The following PKHD1 variants were observed in gnomAD, a reference collection of about 807,000 sequenced individuals.
The protein encoded by PKHD1 is PKHD1 ciliary IPT domain containing fibrocystin/polyductin.
A neutral mutation model predicts 412.0 loss-of-function variants in PKHD1; 291 were observed. The ratio of observed to expected loss-of-function variants is 0.71; its 90% CI spans 0.64 to 0.78. The LOEUF is 0.78. Ranked by LOEUF, PKHD1 falls within the 30% of genes least tolerant of loss-of-function variation. The pLI, the probability that PKHD1 is intolerant of heterozygous loss-of-function variation, is 0.00. For synonymous variants in PKHD1, 1,777 were observed against 1,821.5 expected, an observed-to-expected ratio of 0.98 and a Z score of 0.62; for missense variants, 4,825 against 4,950.7, an observed-to-expected ratio of 0.97 and a Z score of 0.76.
In PKHD1 at chr6:52,024,951, G is replaced by T; in HGVS notation, c.4859C>A (p.Ala1620Asp). ...GGGAACAATGCACCGGATGAGCTCA[G>T]CACCGATGTTCACCGTCAGGCAGGT... ...QQTCLTVNIG[A>D]ELIRCIVPTG... The change falls in exon 32 of 67, where the codon GCT (alanine) becomes GAT (aspartate). Residue 1620 changes from alanine (A) to aspartate (D), a missense_variant. Transcript: ENST00000371117. 6.2e-7 allele frequency: 1 copy of T among 1,614,204 alleles called. No individual in the cohort carries two copies. Among genetic ancestry groups the T allele is most frequent in the African/African-American group, 1.3e-5 (1 of 75,052 alleles).
At chr6:51,699,704 T>G (rs1312806411) in intron 60 of PKHD1, among the ~76,000 whole-genome samples, 1 of 152,090 alleles carries the variant, frequency 6.6e-6, no homozygotes, top group African/African-American at 2.4e-5. Context: ...TTCTCTAAAA[T>G]TGGGTTATAT....
In PKHD1 at chr6:52,026,049, G is replaced by A. The variant is rs148901752; in HGVS notation, c.3761C>T (p.Ala1254Val). The A allele has an allele frequency of 1.2e-6, 2 of 1,614,142 alleles. No homozygotes were observed. The highest frequency in any genetic ancestry group is 2.2e-5 in the East Asian group (1 of 44,876). ...AGCGCCCGCATCGGGTATCTGGGGG[G>A]CTGGCAGGGTTTCACACCAGATGCT... Reference protein sequence around the residue: ...EASIWCETLPAPQIPDAGAPT... With the variant: ...EASIWCETLPVPQIPDAGAPT... Residue 1254 changes from alanine (A) to valine (V), a missense_variant, in exon 32 of 67, where the codon GCC (alanine) becomes GTC (valine). Physicochemically the swap from Ala to Val is moderately conservative, Grantham distance 64. Coordinates refer to ENST00000371117, the MANE Select transcript of PKHD1 (RefSeq NM_138694.4).
intron 52 of PKHD1, among the ~76,000 whole-genome samples, chr6:51,824,619 G>GT (rs1462431890): frequency 1.3e-5 from 2 of 151,790 alleles, no homozygotes; most frequent in Non-Finnish European, 2.9e-5. Flanking sequence ...GTTGATTAAA[G>GT]TTTTTAGGTC....
chr6:51,952,481 C>G (rs1583537222), intron 36 of PKHD1, among the ~76,000 whole-genome samples: 1 of 152,266 alleles, frequency 6.6e-6, no homozygotes, highest in Non-Finnish European at 1.5e-5. Flanking sequence ...TGAGCAAAAA[C>G]AGAGCTGGCC....
intron 35 of PKHD1, among the ~76,000 whole-genome samples, chr6:51,985,544 C>T (rs533395234): frequency 1.3e-5 from 2 of 152,256 alleles, no homozygotes; most frequent in South Asian, 2.1e-4. Flanking sequence ...ACCTGGCCAA[C>T]GTGGCAAAAC....
chr6:51,844,949 CTA>C (rs1770888829), intron 50 of PKHD1, among the ~76,000 whole-genome samples: 1 of 152,184 alleles, frequency 6.6e-6, no homozygotes, highest in Admixed American at 6.5e-5. Flanking sequence ...TCCACATAGA[CTA>C]TGTGGTCTTG....
At position 52,025,566 on chromosome 6, in the gene PKHD1, T is replaced by A. The variant is rs773144766; in HGVS notation, c.4244A>T (p.Asn1415Ile). The stretch of plus-strand genomic sequence containing the variant: ...AACCCGAACTGACCTCCTTCTAGAG[T>A]TAAGAAGCAACCCCCTCACAGTAAG... Reference protein sequence around the residue: ...TILTVRGLLLNSRRRSVRVDL... With the variant: ...TILTVRGLLLISRRRSVRVDL... The change falls in exon 32 of 67, where the codon AAC becomes ATC. Residue 1415 changes from asparagine to isoleucine, a missense_variant. Coordinates refer to ENST00000371117, the MANE Select transcript of PKHD1 (RefSeq NM_138694.4). The A allele has an allele frequency of 6.8e-6, 11 of 1,613,824 alleles. No homozygotes were observed. In the Admixed American group the frequency reaches 1.8e-4, roughly 27 times the overall value.
At chr6:51,826,064 T>C (rs1394185969) in intron 52 of PKHD1, among the ~76,000 whole-genome samples, 3 of 152,102 alleles carry the variant, frequency 2.0e-5, no homozygotes, top group Admixed American at 1.3e-4. Flanking sequence ...ATGAAGTCAA[T>C]AGTTTTATAA....
chr6:51,915,379 C>T (rs1040180270), intron 37 of PKHD1, among the ~76,000 whole-genome samples: 13 of 152,102 alleles, frequency 8.5e-5, no homozygotes, highest in Admixed American at 4.6e-4. Context: ...AACACAACTG[C>T]AATTTGGCCT....
chr6:51,764,667 A>T (rs1419436617), intron 55 of PKHD1, among the ~76,000 whole-genome samples: 1 of 152,074 alleles, frequency 6.6e-6, no homozygotes, highest in South Asian at 2.1e-4. Flanking sequence ...ACCAACCCAA[A>T]TGTCCAACAA....
At chr6:51,747,584 G>A (rs1217109735) in intron 58 of PKHD1, among the ~76,000 whole-genome samples, 1 of 152,074 alleles carries the variant, frequency 6.6e-6, no homozygotes, top group Non-Finnish European at 1.5e-5. Flanking sequence ...AATAGTTGTT[G>A]TAGAAAGCTC....
Position 51,934,261 on chromosome 6 carries a change from A to G in PKHD1, c.5970T>C (p.Val1990=). 2 of 1,613,796 alleles carry G rather than the reference A, an allele frequency of 1.2e-6. No individual in the cohort carries two copies. Among genetic ancestry groups the G allele is most frequent in the Admixed American group, 1.7e-5 (1 of 60,020 alleles). Residue 1990 remains valine, a synonymous_variant, in exon 37 of 67, where the codon GTT becomes GTC. Transcript: ENST00000371117. ...PIELRAHAIL[V]SDGGELRIGS... ...CAATCCGGAGCTCTCCACCATCAGA[A>G]ACAAGGATGGCGTGTGCCCTGAGCT...
intron 55 of PKHD1, among the ~76,000 whole-genome samples, chr6:51,768,005 C>G (rs564570673): frequency 1.3e-3 from 194 of 152,088 alleles, no homozygotes; most frequent in African/African-American, 4.5e-3. Flanking sequence ...TAATGATCGC[C>G]ATTCTAACTG....
At chr6:51,685,149 C>G (rs367840145) in intron 60 of PKHD1, among the ~76,000 whole-genome samples, 3 of 152,200 alleles carry the variant, frequency 2.0e-5, no homozygotes, top group African/African-American at 7.2e-5. Context: ...AAATATTACA[C>G]CCCATTACAC....
chr6:52,023,746 T>A (rs1036310474), intron 32 of PKHD1, among the ~76,000 whole-genome samples: 2 of 152,106 alleles, frequency 1.3e-5, no homozygotes, highest in African/African-American at 4.8e-5. Context: ...TCCCTGCTCT[T>A]CCATCATAAA....
chr6:52,043,885 G>T lies in PKHD1; in HGVS notation c.2716-155C>A, dbSNP rs972089164. Among the ~76,000 whole-genome samples the T allele has an allele frequency of 4.5e-4, 69 of 152,070 alleles. 1 individual carries two copies. Among genetic ancestry groups the T allele is most frequent in the Non-Finnish European group, 7.2e-4 (49 of 68,016 alleles). Reference sequence around the variant, plus strand: ...TTTTTCCAGTAATTAATCTTAAATTGCAATGAATGGCTCAAAACACATGAA... The same window carrying T: ...TTTTTCCAGTAATTAATCTTAAATTTCAATGAATGGCTCAAAACACATGAA... On this transcript the variant is annotated intron_variant, in intron 25 of 66. Coordinates refer to ENST00000371117, the MANE Select transcript of PKHD1 (RefSeq NM_138694.4).
intron 6 of PKHD1, among the ~76,000 whole-genome samples, chr6:52,074,783 G>A (rs1811116628): frequency 6.6e-6 from 1 of 152,146 alleles, no homozygotes; most frequent in Non-Finnish European, 1.5e-5. Flanking sequence ...GCTACACTGG[G>A]CAGGCTTCCC....
chr6:52,054,316 C>T, intron 19 of PKHD1, 151 bp from the exon 20 acceptor site: 2 of 669,512 alleles, frequency 3.0e-6, no homozygotes, highest in Admixed American at 4.9e-5. Context: ...ACCAGTGTAG[C>T]CAGAGAGACA....
Position 51,801,663 on chromosome 6 carries a change from G to GAA in PKHD1, c.8303-10291_8303-10290insTT, listed in dbSNP as rs1453003612. Among the ~76,000 whole-genome samples the GAA allele has an allele frequency of 1.5e-3, 224 of 151,464 alleles. 4 individuals carry two copies. The highest frequency in any genetic ancestry group is 5.1e-3 in the African/African-American group (212 of 41,180). On this transcript the variant is annotated intron_variant, in intron 52 of 66. Transcript: ENST00000371117. ...ATTGTGTGTGTGTGTGTGAGAGAGA[G>GAA]AGAGAGAGAGAGAGAGAGACAGGAT... is the stretch of plus-strand genomic sequence containing the variant.
Sources: allele counts gnomAD v4.1 joint callset (sites outside exome capture counted in the v4.1 genomes callset), GRCh38; gene constraint gnomAD v4.1.1; transcripts MANE v1.5; gene names NCBI Gene and HGNC (gene_info 2026-07-23, HGNC 2026-07-21).